EYA2: variants seen among roughly 807,000 people sequenced by gnomAD.
EYA2 encodes the protein EYA transcriptional coactivator and phosphatase 2, also known as protein phosphatase EYA2.
EYA2 carries 31 observed loss-of-function variants against 69.2 expected under a neutral mutation model. The observed-to-expected ratio is 0.45, with a 90% CI of 0.34 to 0.60. The LOEUF (loss-of-function observed/expected upper bound fraction) is 0.60, where lower values mean the gene tolerates loss of function less well. Ranked by LOEUF, EYA2 falls within the 20% of genes least tolerant of loss-of-function variation. EYA2 has a pLI of 0.02. For synonymous variants in EYA2, 257 were observed against 279.4 expected (o/e 0.92, Z 0.80); for missense variants, 622 against 701.2 (o/e 0.89, Z 1.28).
chr20:47,111,742 A>G (rs1213574027), intron 9 of EYA2, among the ~76,000 whole-genome samples: 2 of 152,186 alleles, frequency 1.3e-5, no homozygotes, highest in African/African-American at 4.8e-5. Context: ...CAGAGCAGTA[A>G]CCCCACCTCT....
At position 46,989,061 on chromosome 20, in the gene EYA2, TAAA is replaced by T. The variant is rs1981476302; in HGVS notation, c.-10-936_-10-934del. 2.0e-5 allele frequency among the ~76,000 whole-genome samples: 3 copies of T among 152,094 alleles called. No homozygotes were observed. The South Asian group carries it at 6.2e-4, about 32-fold the overall frequency. On this transcript the variant is annotated intron_variant, in intron 1 of 15. Transcript: ENST00000327619. ...TGCAAGAATTAGAAATGTTTTCAAT[TAAA>T]AAATGAGAAAGACCAAAGGAGACCT...
At chr20:47,117,420 C>G in intron 9 of EYA2, 1 of 985,312 alleles carries the variant, frequency 1.0e-6, no homozygotes, top group Non-Finnish European at 1.2e-6. Flanking sequence ...GATCCAGAGG[C>G]CAGGTCGAGA....
At chr20:47,070,687 T>G (rs1320582914) in intron 5 of EYA2, among the ~76,000 whole-genome samples, 1 of 152,198 alleles carries the variant, frequency 6.6e-6, no homozygotes, top group Non-Finnish European at 1.5e-5. Context: ...GTTCCAATTT[T>G]ACAAGAAGAA....
chr20:47,087,071 CTCTCATG>C (rs901366230), intron 7 of EYA2, among the ~76,000 whole-genome samples: 2 of 152,168 alleles, frequency 1.3e-5, no homozygotes, highest in African/African-American at 4.8e-5. Context: ...GTTTGGGAAT[CTCTCATG>C]CTGCATCCTG....
chr20:47,086,813 T>TG (rs1436929760), intron 7 of EYA2, among the ~76,000 whole-genome samples: 6 of 146,674 alleles, frequency 4.1e-5, no homozygotes, highest in Admixed American at 4.0e-4. Flanking sequence ...TTTTTGTTGT[T>TG]TTTTTTTTTG....
At chr20:47,163,550 T>C (rs1282977378) in intron 10 of EYA2, among the ~76,000 whole-genome samples, 1 of 151,712 alleles carries the variant, frequency 6.6e-6, no homozygotes, top group Non-Finnish European at 1.5e-5. Context: ...AATACAAAAT[T>C]AGCTGGGCGT....
chr20:47,119,494 A>G (rs945010984), intron 9 of EYA2, among the ~76,000 whole-genome samples: 1 of 152,264 alleles, frequency 6.6e-6, no homozygotes, highest in African/African-American at 2.4e-5. Flanking sequence ...TGATTCAGCT[A>G]TGAAAAGGAA....
At chr20:46,897,091 G>C (rs1368639351) in intron 1 of EYA2, among the ~76,000 whole-genome samples, 2 of 152,134 alleles carry the variant, frequency 1.3e-5, no homozygotes, top group Non-Finnish European at 2.9e-5. Flanking sequence ...ACATCATAAA[G>C]AGGTATGATT....
Position 47,156,041 on chromosome 20 carries a change from CACACACACACATATATATACAT to C in EYA2, c.978+12905_978+12926del, listed in dbSNP as rs1456851300. 4.6e-3 allele frequency among the ~76,000 whole-genome samples: 424 copies of C among 92,298 alleles called. 17 individuals carry two copies. Among genetic ancestry groups the C allele is most frequent in the African/African-American group, 0.02 (373 of 18,444 alleles). The allele number at this position is 92,298 out of a possible 152,430, so 60.6% of individuals were successfully genotyped here. ...AAATATATATATATATACATACACA[CACACACACACATATATATACAT>C]ACACACACACACACATATATATACA... On this transcript the variant is annotated intron_variant, in intron 10 of 15. Coordinates refer to ENST00000327619, the MANE Select transcript of EYA2 (RefSeq NM_005244.5).
At chr20:47,171,564 C>T (rs1408809592) in intron 11 of EYA2, among the ~76,000 whole-genome samples, 1 of 152,064 alleles carries the variant, frequency 6.6e-6, no homozygotes, top group Non-Finnish European at 1.5e-5. Context: ...CATTTTTCAG[C>T]TGGGGAATGT....
At chr20:46,993,339 T>C (rs553579024) in intron 2 of EYA2, among the ~76,000 whole-genome samples, 2 of 152,336 alleles carry the variant, frequency 1.3e-5, no homozygotes, top group South Asian at 4.1e-4. Flanking sequence ...TCTCCGTCCC[T>C]ATTGCCTTTG....
chr20:47,075,393 A>G (rs1390725638), intron 7 of EYA2, among the ~76,000 whole-genome samples: 1 of 152,162 alleles, frequency 6.6e-6, no homozygotes, highest in East Asian at 1.9e-4. Context: ...CTTTTTCTAG[A>G]TAAGAACAAT....
At chr20:46,976,533 C>A (rs1980474285) in intron 1 of EYA2, among the ~76,000 whole-genome samples, 1 of 152,076 alleles carries the variant, frequency 6.6e-6, no homozygotes. Context: ...CTACAGGTGC[C>A]CGCCACCACG....
chr20:47,069,420 C>T (rs1029518746), intron 5 of EYA2, among the ~76,000 whole-genome samples: 7 of 152,060 alleles, frequency 4.6e-5, no homozygotes, highest in Admixed American at 3.3e-4. Flanking sequence ...ACCTGAGAGG[C>T]GGAGATTGCA....
chr20:47,044,424 G>T (rs911970739), intron 5 of EYA2, among the ~76,000 whole-genome samples: 3 of 152,074 alleles, frequency 2.0e-5, no homozygotes, highest in African/African-American at 7.2e-5. Flanking sequence ...CAGTGAGAAA[G>T]ACAGACAAAA....
intron 1 of EYA2, among the ~76,000 whole-genome samples, chr20:46,960,129 C>T (rs879771434): frequency 2.0e-5 from 3 of 152,204 alleles, no homozygotes; most frequent in East Asian, 1.9e-4. Flanking sequence ...ATCCATTATT[C>T]GAAGGAATCA....
chr20:47,168,237 G>A (rs970578843), intron 10 of EYA2, among the ~76,000 whole-genome samples: 1 of 151,880 alleles, frequency 6.6e-6, no homozygotes, highest in Non-Finnish European at 1.5e-5. Context: ...TGTCATGCAG[G>A]CTGGAGCACA....
intron 1 of EYA2, among the ~76,000 whole-genome samples, chr20:46,916,258 T>C (rs1984896133): frequency 6.6e-6 from 1 of 152,206 alleles, no homozygotes; most frequent in Non-Finnish European, 1.5e-5. Flanking sequence ...AAACTTGAAA[T>C]GCTATTAAAC....
At chr20:46,955,708 C>G (rs1439628423) in intron 1 of EYA2, among the ~76,000 whole-genome samples, 1 of 152,200 alleles carries the variant, frequency 6.6e-6, no homozygotes, top group African/African-American at 2.4e-5. Flanking sequence ...TTGCTAGTCT[C>G]CACTTTCATA....
Sources: allele counts gnomAD v4.1 joint callset (sites outside exome capture counted in the v4.1 genomes callset), GRCh38; gene constraint gnomAD v4.1.1; transcripts MANE v1.5; gene names NCBI Gene and HGNC (gene_info 2026-07-23, HGNC 2026-07-21).